The following CHN2 variants were observed in gnomAD, a reference collection of about 807,000 sequenced individuals.
The protein encoded by CHN2 is chimerin 2.
A neutral mutation model predicts 56.3 loss-of-function variants in CHN2; 35 were observed. The observed-to-expected ratio is 0.62, with a 90% CI of 0.47 to 0.82. The LOEUF is 0.82. CHN2 is among the 40% of genes least tolerant of loss of function. The probability of loss-of-function intolerance (pLI) is 0.00; values close to 1 mark genes in which losing one functional copy is unlikely to be tolerated. For missense variants in CHN2, 491 were observed against 580.5 expected, an observed-to-expected ratio of 0.85 and a Z score of 1.58; for synonymous variants, 210 against 212.8, an observed-to-expected ratio of 0.99 and a Z score of 0.12.
At chr7:29,510,225 A>C (rs1449545981) in intron 12 of CHN2, among the ~76,000 whole-genome samples, 1 of 152,180 alleles carries the variant, frequency 6.6e-6, no homozygotes, top group Non-Finnish European at 1.5e-5. Context: ...ATAGTTTCTA[A>C]GGGTCAGGAA....
chr7:29,228,159 T>TACACACAC (rs142567884), intron 1 of CHN2, among the ~76,000 whole-genome samples: 6 of 147,078 alleles, frequency 4.1e-5, no homozygotes, highest in African/African-American at 1.5e-4. Flanking sequence ...TATATATATA[T>TACACACAC]ACACACACAC....
At chr7:29,332,031 A>G (rs958467752) in intron 1 of CHN2, among the ~76,000 whole-genome samples, 11 of 146,236 alleles carry the variant, frequency 7.5e-5, no homozygotes, top group African/African-American at 1.7e-4. Flanking sequence ...AAAAAAAAAA[A>G]AGAGAAGGAT....
At chr7:29,500,136 T>C in intron 9 of CHN2, 96 bp downstream of exon 9, 2 of 1,000,638 alleles carry the variant, frequency 2.0e-6, no homozygotes, top group East Asian at 2.8e-5. Context: ...CTACTACTCT[T>C]GTTGGGAAAA....
Position 29,381,894 on chromosome 7 carries a change from A to G in CHN2, c.145-11785A>G, listed in dbSNP as rs188695428. Among the ~76,000 whole-genome samples the G allele has an allele frequency of 3.5e-5, 5 of 142,734 alleles. No homozygotes were observed. In the East Asian group the frequency reaches 9.2e-4, roughly 26 times the overall value. 93.6% of individuals were successfully genotyped at this position (142,734 alleles called of 152,430 possible). On this transcript the variant is annotated intron_variant, in intron 3 of 12. Transcript: ENST00000222792. ...AGAAGGATATGAGGAAATTCCCTGG[A>G]TGGAAAGAAAAGCTGGTCAGAGGGC... is the stretch of plus-strand genomic sequence containing the variant.
At chr7:29,214,328 A>G (rs757236036) in intron 1 of CHN2, among the ~76,000 whole-genome samples, 2 of 152,090 alleles carry the variant, frequency 1.3e-5, no homozygotes, top group African/African-American at 4.8e-5. Context: ...CTCTTTTCCT[A>G]TGCAGGAGCT....
chr7:29,406,940 A>T (rs1243000999), intron 6 of CHN2, among the ~76,000 whole-genome samples: 1 of 152,158 alleles, frequency 6.6e-6, no homozygotes, highest in African/African-American at 2.4e-5. Flanking sequence ...TGAAAAATGG[A>T]TGGGTGACTT....
rs1295262543 is a variant in CHN2 at position 29,400,573 on chromosome 7, C to G, written c.321C>G (p.Leu107=). 24 of 1,614,072 alleles carry G rather than the reference C, an allele frequency of 1.5e-5. No individual in the cohort carries two copies. Among genetic ancestry groups the G allele is most frequent in the Non-Finnish European group, 2.0e-5 (24 of 1,180,036 alleles). The change falls in exon 6 of 13, where the codon CTC becomes CTG. Residue 107 remains leucine (L), a synonymous_variant. Transcript: ENST00000222792. ...GAAACCAGACCTTAAACTACAGGCT[C>G]TTCCACGACGGGAAACACTTTGTGG... ...RFGNQTLNYR[L]FHDGKHFVGE...
At chr7:29,206,036 C>T (rs1186144913) in intron 1 of CHN2, among the ~76,000 whole-genome samples, 2 of 152,068 alleles carry the variant, frequency 1.3e-5, no homozygotes, top group Non-Finnish European at 2.9e-5. Flanking sequence ...TATTCCCTTG[C>T]TTTTCTTTTT....
At chr7:29,205,860 CA>C (rs368608160) in intron 1 of CHN2, among the ~76,000 whole-genome samples, 8 of 151,822 alleles carry the variant, frequency 5.3e-5, no homozygotes, top group South Asian at 2.1e-4. Context: ...GCAATATATA[CA>C]AAAAAAATCA....
At chr7:29,504,610 T>G in intron 9 of CHN2, 134 bp from the exon 10 acceptor site, 1 of 599,550 alleles carries the variant, frequency 1.7e-6, no homozygotes, top group South Asian at 2.3e-5. Flanking sequence ...GATGCAACAG[T>G]GTGTGATAAA....
intron 6 of CHN2, among the ~76,000 whole-genome samples, chr7:29,461,788 C>T (rs531391328): frequency 5.3e-5 from 8 of 151,640 alleles, no homozygotes; most frequent in Non-Finnish European, 1.2e-4. Flanking sequence ...GATTGTCTGA[C>T]TGGTTTGTTG....
chr7:29,506,593 C>A (rs1440267672), intron 10 of CHN2, among the ~76,000 whole-genome samples: 1 of 152,194 alleles, frequency 6.6e-6, no homozygotes, highest in Non-Finnish European at 1.5e-5. Context: ...ACCAAGATTG[C>A]ACCACTGCAC....
At chr7:29,166,322 G>A (rs997460167) in intron 2 of CHN2, among the ~76,000 whole-genome samples, 5 of 152,110 alleles carry the variant, frequency 3.3e-5, no homozygotes, top group Admixed American at 6.5e-5. Context: ...GAGCCACTGC[G>A]CCCAACATGG....
chr7:29,350,995 C>G (rs570410760), intron 1 of CHN2, among the ~76,000 whole-genome samples: 1 of 151,588 alleles, frequency 6.6e-6, no homozygotes, highest in South Asian at 2.1e-4. Context: ...GCAATCCCAG[C>G]TGCTCGAGAG....
At chr7:29,188,437 G>A (rs1798980801) in intron 2 of CHN2, among the ~76,000 whole-genome samples, 1 of 152,106 alleles carries the variant, frequency 6.6e-6, no homozygotes. Context: ...TGGAATATTT[G>A]TAAAAGGCCA....
At chr7:29,156,716 A>G (rs1007859332) in intron 2 of CHN2, among the ~76,000 whole-genome samples, 1 of 152,224 alleles carries the variant, frequency 6.6e-6, no homozygotes, top group African/African-American at 2.4e-5. Context: ...GCGACTATGT[A>G]TTACTCTCCA....
chr7:29,366,186 A>G (rs1799143441), intron 2 of CHN2, among the ~76,000 whole-genome samples: 1 of 152,156 alleles, frequency 6.6e-6, no homozygotes, highest in Non-Finnish European at 1.5e-5. Context: ...AGTAAGATAT[A>G]CATCCTGGAG....
intron 1 of CHN2, among the ~76,000 whole-genome samples, chr7:29,344,504 G>A (rs1797275610): frequency 6.6e-6 from 1 of 152,086 alleles, no homozygotes; most frequent in Admixed American, 6.6e-5. Context: ...CCAGCAAGCT[G>A]AGACACTTCT....
At chr7:29,352,433 A>G (rs915251728) in intron 1 of CHN2, among the ~76,000 whole-genome samples, 2 of 152,034 alleles carry the variant, frequency 1.3e-5, no homozygotes, top group African/African-American at 2.4e-5. Flanking sequence ...ACATTTTAAC[A>G]TAGAGGGCCG....
Sources: allele counts gnomAD v4.1 joint callset (sites outside exome capture counted in the v4.1 genomes callset), GRCh38; gene constraint gnomAD v4.1.1; transcripts MANE v1.5; gene names NCBI Gene and HGNC (gene_info 2026-07-23, HGNC 2026-07-21).